Variants in DPY30 observed in about 807,000 individuals in gnomAD.
The protein encoded by DPY30 is protein dpy-30 homolog.
A neutral mutation model predicts 16.2 loss-of-function variants in DPY30; 6 were observed. That is an observed-to-expected ratio of 0.37 (90% CI 0.20 to 0.73). The LOEUF (loss-of-function observed/expected upper bound fraction) is 0.73. Among genes scored for constraint, DPY30 ranks in the 30% least tolerant of loss-of-function variants. The pLI is 0.51. For missense variants in DPY30, 73 were observed against 113.1 expected (o/e 0.65, Z 1.61); for synonymous variants, 39 against 38.8 (o/e 1.00, Z -0.02).
chr2:32,036,240 C>G (rs764346584), intron 3 of DPY30, among the ~76,000 whole-genome samples: 1 of 151,876 alleles, frequency 6.6e-6, no homozygotes, highest in South Asian at 2.1e-4. Flanking sequence ...GGCCTCCCAA[C>G]GGGCTGGGAT....
chr2:32,021,296 A>C (rs1281706171), downstream of DPY30, among the ~76,000 whole-genome samples: 1 of 151,954 alleles, frequency 6.6e-6, no homozygotes, highest in Non-Finnish European at 1.5e-5. Flanking sequence ...CTCAGCCCTT[A>C]CCACTAGGTC....
intron 3 of DPY30, among the ~76,000 whole-genome samples, chr2:32,030,305 T>C: frequency 6.6e-6 from 1 of 152,124 alleles, no homozygotes; most frequent in East Asian, 1.9e-4. Context: ...ATATCCAGCC[T>C]GGACAACTGC....
intron 3 of DPY30, among the ~76,000 whole-genome samples, chr2:32,037,497 G>C (rs996542744): frequency 2.0e-5 from 3 of 151,938 alleles, no homozygotes; most frequent in Non-Finnish European, 4.4e-5. Flanking sequence ...TGTAGAAACA[G>C]GGTTTGTAGG....
At chr2:32,026,401 A>T (rs68076008) in intron 4 of DPY30, among the ~76,000 whole-genome samples, 10 of 152,058 alleles carry the variant, frequency 6.6e-5, no homozygotes, top group African/African-American at 2.4e-4. Flanking sequence ...CAGAGCGAGA[A>T]CTTGTCTCAA....
chr2:32,030,886 T>C (rs936940526), intron 3 of DPY30, among the ~76,000 whole-genome samples: 11 of 151,898 alleles, frequency 7.2e-5, no homozygotes, highest in Admixed American at 6.6e-4. Context: ...ATGAAGAAAA[T>C]TATTAACAGA....
At chr2:32,021,278 T>C (rs1675174416), downstream of DPY30, among the ~76,000 whole-genome samples, 1 of 151,266 alleles carries the variant, frequency 6.6e-6, no homozygotes, top group African/African-American at 2.4e-5. Context: ...TAAAAAGACA[T>C]TTCTATTCTC....
chr2:32,036,871 A>C (rs919804729), intron 3 of DPY30, among the ~76,000 whole-genome samples: 2 of 152,154 alleles, frequency 1.3e-5, no homozygotes, highest in African/African-American at 4.8e-5. Context: ...TCTGTTTCAA[A>C]AAAAAGAAAA....
At chr2:32,031,928 G>C (rs777849442) in intron 3 of DPY30, among the ~76,000 whole-genome samples, 1 of 139,706 alleles carries the variant, frequency 7.2e-6, no homozygotes, top group South Asian at 2.6e-4. Context: ...AAATGAAAGA[G>C]ACAAAAAAAA....
At chr2:32,030,531 G>A (rs1675496314) in intron 3 of DPY30, among the ~76,000 whole-genome samples, 1 of 151,510 alleles carries the variant, frequency 6.6e-6, no homozygotes, top group East Asian at 1.9e-4. Flanking sequence ...TCGGGAGGCT[G>A]AAGCAGGAGA....
At chr2:32,025,189 G>A (rs1033713267) in intron 4 of DPY30, among the ~76,000 whole-genome samples, 1 of 152,184 alleles carries the variant, frequency 6.6e-6, no homozygotes, top group African/African-American at 2.4e-5. Context: ...TTTGGGGCCA[G>A]GCGCAGTGGC....
At chr2:32,024,875 A>G (rs1264414158) in intron 4 of DPY30, among the ~76,000 whole-genome samples, 2 of 152,200 alleles carry the variant, frequency 1.3e-5, no homozygotes, top group Admixed American at 1.3e-4. Flanking sequence ...ATTTAATACA[A>G]CTACAGTACA....
At chr2:32,019,058 A>G (rs574939196), downstream of DPY30, among the ~76,000 whole-genome samples, 1 of 152,148 alleles carries the variant, frequency 6.6e-6, no homozygotes, top group Non-Finnish European at 1.5e-5. Flanking sequence ...TACAGTATGT[A>G]TCATTTATGA....
chr2:32,024,305 G>T, intron 4 of DPY30, 49 bp from the exon 5 acceptor site: 1 of 1,346,664 alleles, frequency 7.4e-7, no homozygotes, highest in Non-Finnish European at 1.0e-6. Flanking sequence ...TCCTAGGTGT[G>T]TTAATTTAAA....
downstream of DPY30, among the ~76,000 whole-genome samples, chr2:32,019,857 C>T (rs1252965357): frequency 5.9e-5 from 8 of 135,338 alleles, no homozygotes; most frequent in Non-Finnish European, 9.6e-5. Context: ...TATATATATA[C>T]ACACACATAT....
Position 32,037,725 on chromosome 2 carries a change from T to G in DPY30, c.84+1554A>C, listed in dbSNP as rs536075527. On this transcript the variant is annotated intron_variant, in intron 3 of 4. Transcript: ENST00000342166. ...GGCACTTGCCACCACGCCTGGCTAA[T>G]TTTTGTATTTTCAGTAGAGACGGAG... Among the ~76,000 whole-genome samples the G allele has an allele frequency of 4.7e-4, 72 of 152,064 alleles. 1 individual carries two copies. The South Asian group carries it at 0.011, about 24-fold the overall frequency.
chr2:32,035,659 T>C (rs1229442817), intron 3 of DPY30, among the ~76,000 whole-genome samples: 2 of 144,178 alleles, frequency 1.4e-5, no homozygotes, highest in Admixed American at 6.9e-5. Context: ...GTAGGCCAGG[T>C]GCAGTGGCTC....
At chr2:32,035,444 T>C (rs995357820) in intron 3 of DPY30, among the ~76,000 whole-genome samples, 1 of 149,370 alleles carries the variant, frequency 6.7e-6, no homozygotes, top group Non-Finnish European at 1.5e-5. Context: ...TCTACTAAAA[T>C]ACAAAAAATT....
chr2:32,011,890 G>A (rs1481212566), downstream of DPY30: 3 of 152,130 alleles, frequency 2.0e-5, no homozygotes, highest in Admixed American at 1.3e-4. Context: ...CTGTTTCTAT[G>A]AATTTTTTAT....
At chr2:32,020,716 T>G (rs1373507675), downstream of DPY30, among the ~76,000 whole-genome samples, 4 of 152,094 alleles carry the variant, frequency 2.6e-5, no homozygotes, top group Non-Finnish European at 5.9e-5. Flanking sequence ...TAAATAGGGA[T>G]AAATTTTTTA....
Sources: allele counts gnomAD v4.1 joint callset (sites outside exome capture counted in the v4.1 genomes callset), GRCh38; gene constraint gnomAD v4.1.1; transcripts MANE v1.5; gene names NCBI Gene and HGNC (gene_info 2026-07-23, HGNC 2026-07-21).